The following SETBP1 variants were observed in gnomAD, a reference collection of about 807,000 sequenced individuals.
SETBP1 encodes the protein SET binding protein 1, also known as SET-binding protein.
A neutral mutation model predicts 101.0 loss-of-function variants in SETBP1; 9 were observed. That is an observed-to-expected ratio of 0.09 (90% CI 0.05 to 0.16). The LOEUF (loss-of-function observed/expected upper bound fraction) is 0.16. SETBP1 is among the 10% of genes least tolerant of loss of function. SETBP1 has a pLI of 1.00. For synonymous variants in SETBP1, 818 were observed against 788.5 expected (o/e 1.04, Z -0.63); for missense variants, 1,858 against 2,033.8 (o/e 0.91, Z 1.66).
At chr18:44,725,032 C>T (rs763457835) in intron 2 of SETBP1, among the ~76,000 whole-genome samples, 5 of 152,184 alleles carry the variant, frequency 3.3e-5, no homozygotes, top group Admixed American at 6.5e-5. Flanking sequence ...CATTTCTTCA[C>T]TCACTCATTT....
At chr18:44,920,075 T>C (rs572717354) in intron 3 of SETBP1, among the ~76,000 whole-genome samples, 18 of 152,218 alleles carry the variant, frequency 1.2e-4, no homozygotes, top group Non-Finnish European at 2.4e-4. Context: ...TTATTTCTCA[T>C]AGTTCTTCAA....
intron 2 of SETBP1, among the ~76,000 whole-genome samples, chr18:44,866,507 G>T (rs1287630945): frequency 6.6e-6 from 1 of 152,214 alleles, no homozygotes; most frequent in Non-Finnish European, 1.5e-5. Flanking sequence ...ATTTACATAA[G>T]ATAGAAGCCA....
rs559689563 is a variant in SETBP1 at position 44,764,742 on chromosome 18, G to T, written c.486+62910G>T. On this transcript the variant is annotated intron_variant, in intron 2 of 5. Transcript: ENST00000649279. ...CTGCCTTGGCCTCCCAAAGTGCTGG[G>T]ATTACAGGTGTGAGCCACCGCGCCC... 1.4e-3 allele frequency among the ~76,000 whole-genome samples: 213 copies of T among 152,158 alleles called. 1 individual carries two copies. The highest frequency in any genetic ancestry group is 3.2e-3 in the Middle Eastern group (1 of 316).
intron 3 of SETBP1, among the ~76,000 whole-genome samples, chr18:44,939,958 G>A (rs529191087): frequency 6.6e-6 from 1 of 152,220 alleles, no homozygotes; most frequent in South Asian, 2.1e-4. Flanking sequence ...TGATTTTTTA[G>A]GAAATTTGTT....
chr18:44,802,794 T>G (rs975152285), intron 2 of SETBP1, among the ~76,000 whole-genome samples: 1 of 152,178 alleles, frequency 6.6e-6, no homozygotes. Context: ...ATTCCTAGAC[T>G]TTTCACTTCT....
At chr18:45,060,200 G>T (rs1051955935) in intron 5 of SETBP1, among the ~76,000 whole-genome samples, 2 of 152,136 alleles carry the variant, frequency 1.3e-5, no homozygotes, top group African/African-American at 4.8e-5. Context: ...TGAGCTTCAA[G>T]GAACATCCTT....
At chr18:44,916,217 C>G (rs1219715373) in intron 3 of SETBP1, among the ~76,000 whole-genome samples, 1 of 152,108 alleles carries the variant, frequency 6.6e-6, no homozygotes, top group African/African-American at 2.4e-5. Context: ...CAGAGCAAGA[C>G]TCTGTCTCAA....
Position 44,956,645 on chromosome 18 carries a change from TAGCCTGTTGAGGATG to T in SETBP1, c.4000+3308_4000+3322del, listed in dbSNP as rs1231126432. On this transcript the variant is annotated intron_variant, in intron 4 of 5. Transcript: ENST00000649279. The stretch of plus-strand genomic sequence containing the variant: ...GTATAAATATAGATGTCATCCTTTT[TAGCCTGTTGAGGATG>T]AGAATTAGAAGCAGAGTCAAGAGAA... Among the ~76,000 whole-genome samples the T allele has an allele frequency of 1.3e-4, 20 of 152,358 alleles. No individual in the cohort carries two copies. In the East Asian group the frequency reaches 3.8e-3, roughly 29 times the overall value.
At chr18:44,880,812 ATC>A (rs2069514426) in intron 3 of SETBP1, among the ~76,000 whole-genome samples, 1 of 152,166 alleles carries the variant, frequency 6.6e-6, no homozygotes, top group African/African-American at 2.4e-5. Flanking sequence ...TTCATGAGGG[ATC>A]TGCCCCCATG....
At chr18:44,940,425 C>A (rs1012862525) in intron 3 of SETBP1, among the ~76,000 whole-genome samples, 1 of 151,948 alleles carries the variant, frequency 6.6e-6, no homozygotes, top group African/African-American at 2.4e-5. Context: ...CTTGTATTTT[C>A]TGTTTTTCCC....
At chr18:44,905,877 T>C (rs1013773809) in intron 3 of SETBP1, among the ~76,000 whole-genome samples, 3 of 152,194 alleles carry the variant, frequency 2.0e-5, no homozygotes, top group African/African-American at 7.2e-5. Context: ...GAAAACTCTT[T>C]CCAGCCCCTT....
chr18:44,719,276 A>G (rs2069532761), intron 2 of SETBP1, among the ~76,000 whole-genome samples: 1 of 152,204 alleles, frequency 6.6e-6, no homozygotes, highest in African/African-American at 2.4e-5. Context: ...AATCAGGTTC[A>G]GAAGTGGAGG....
intron 2 of SETBP1, among the ~76,000 whole-genome samples, chr18:44,831,196 A>T (rs2072357097): frequency 6.6e-6 from 1 of 152,214 alleles, no homozygotes; most frequent in Non-Finnish European, 1.5e-5. Flanking sequence ...ACTGATGTGG[A>T]GTAGTGTAGC....
chr18:45,058,763 C>G (rs887597423), intron 5 of SETBP1, among the ~76,000 whole-genome samples: 1 of 152,162 alleles, frequency 6.6e-6, no homozygotes, highest in Non-Finnish European at 1.5e-5. Flanking sequence ...TGCAAAAGAA[C>G]GAGGGATACT....
intron 4 of SETBP1, among the ~76,000 whole-genome samples, chr18:44,996,489 G>A (rs1012563647): frequency 6.6e-6 from 1 of 152,196 alleles, no homozygotes; most frequent in African/African-American, 2.4e-5. Flanking sequence ...AGTGAAAGAG[G>A]AAGTATTTAC....
At chr18:44,873,316 T>G (rs960224915) in intron 3 of SETBP1, among the ~76,000 whole-genome samples, 14 of 152,212 alleles carry the variant, frequency 9.2e-5, no homozygotes, top group Non-Finnish European at 1.5e-4. Flanking sequence ...TTGATTTACC[T>G]TATTAAGCAA....
At chr18:44,687,835 G>C (rs941141692) in intron 1 of SETBP1, among the ~76,000 whole-genome samples, 3 of 152,080 alleles carry the variant, frequency 2.0e-5, no homozygotes, top group Non-Finnish European at 1.5e-5. Context: ...ATGAAGTCTA[G>C]GGCCATGCCT....
chr18:44,915,743 G>A (rs748116758), intron 3 of SETBP1, among the ~76,000 whole-genome samples: 4 of 152,182 alleles, frequency 2.6e-5, no homozygotes, highest in African/African-American at 4.8e-5. Context: ...CACCTGCTAC[G>A]ACTTACTGTG....
At chr18:44,807,654 A>T (rs918336467) in intron 2 of SETBP1, among the ~76,000 whole-genome samples, 4 of 152,138 alleles carry the variant, frequency 2.6e-5, no homozygotes, top group African/African-American at 7.2e-5. Flanking sequence ...TCCTTGATTA[A>T]TTTTTCAATT....
Sources: allele counts gnomAD v4.1 joint callset (sites outside exome capture counted in the v4.1 genomes callset), GRCh38; gene constraint gnomAD v4.1.1; transcripts MANE v1.5; gene names NCBI Gene and HGNC (gene_info 2026-07-23, HGNC 2026-07-21).